The following DSCAM variants were observed in gnomAD, a reference collection of about 807,000 sequenced individuals.
DSCAM encodes cell adhesion molecule DSCAM.
Under a neutral mutation model 217.7 loss-of-function variants are expected in DSCAM, and 47 were observed. The ratio of observed to expected loss-of-function variants is 0.22; its 90% CI spans 0.17 to 0.28. The LOEUF is 0.28. DSCAM is among the 10% of genes least tolerant of loss of function. DSCAM has a pLI of 1.00. For synonymous variants in DSCAM, 1,056 were observed against 1,015.3 expected, an observed-to-expected ratio of 1.04 and a Z score of -0.76; for missense variants, 2,080 against 2,618.3, an observed-to-expected ratio of 0.79 and a Z score of 4.49.
intron 3 of DSCAM, among the ~76,000 whole-genome samples, chr21:40,661,513 G>A (rs2090139458): frequency 6.6e-6 from 1 of 152,156 alleles, no homozygotes; most frequent in South Asian, 2.1e-4. Context: ...GTGAGGATAA[G>A]AGAGACAACA....
chr21:40,042,375 C>G lies in DSCAM; in HGVS notation c.5682G>C (p.Arg1894=). The change falls in exon 32 of 33, where the codon CGG becomes CGC. Residue 1894 remains arginine (R), a synonymous_variant. Coordinates refer to ENST00000400454, the MANE Select transcript of DSCAM (RefSeq NM_001389.5). The part of the protein sequence containing the change: ...VMNMAVPKAH[R]PGDLIHLPPY... Reference sequence around the variant, plus strand: ...CAGGTGGCCTTGCTCACCTACCTGGCCGATGTGCCTTTGGAACTGCCATAT... The same window carrying G: ...CAGGTGGCCTTGCTCACCTACCTGGGCGATGTGCCTTTGGAACTGCCATAT... The G allele has an allele frequency of 6.2e-7, 1 of 1,613,032 alleles. No individual in the cohort carries two copies.
intron 11 of DSCAM, 79 bp downstream of exon 11, chr21:40,276,018 A>G: frequency 7.1e-7 from 1 of 1,416,700 alleles, no homozygotes; most frequent in Non-Finnish European, 9.4e-7. Flanking sequence ...ACAGGTATGT[A>G]TGGAGACAAT....
At chr21:40,489,749 T>C (rs1432946842) in intron 3 of DSCAM, among the ~76,000 whole-genome samples, 6 of 107,626 alleles carry the variant, frequency 5.6e-5, no homozygotes, top group African/African-American at 2.2e-4. Flanking sequence ...CACTCCAGCC[T>C]GGGCGACAGG....
At chr21:40,493,877 A>T (rs55955640) in intron 3 of DSCAM, among the ~76,000 whole-genome samples, 20,364 of 132,078 alleles carry the variant, frequency 0.15, 2,117 homozygotes, top group African/African-American at 0.3. Context: ...AAAAAAAAAA[A>T]AAATATATAC....
chr21:40,522,051 G>A (rs565573991), intron 3 of DSCAM, among the ~76,000 whole-genome samples: 1 of 152,086 alleles, frequency 6.6e-6, no homozygotes, highest in East Asian at 1.9e-4. Context: ...CTCCCTCCCC[G>A]AGAAAAAGAA....
chr21:40,732,370 G>A (rs1456748277), intron 1 of DSCAM, among the ~76,000 whole-genome samples: 1 of 152,192 alleles, frequency 6.6e-6, no homozygotes, highest in African/African-American at 2.4e-5. Context: ...TTTTCAAGGA[G>A]AATGGTGTAT....
chr21:40,461,917 G>A (rs2075809111), intron 3 of DSCAM, among the ~76,000 whole-genome samples: 1 of 152,196 alleles, frequency 6.6e-6, no homozygotes, highest in Non-Finnish European at 1.5e-5. Flanking sequence ...ACCTAGCTCT[G>A]CCAACACCTT....
At chr21:40,639,191 C>T (rs1313604956) in intron 3 of DSCAM, among the ~76,000 whole-genome samples, 1 of 152,008 alleles carries the variant, frequency 6.6e-6, no homozygotes, top group Non-Finnish European at 1.5e-5. Flanking sequence ...TCGCTGGGAT[C>T]CACAGGGGAG....
At chr21:40,232,256 G>A (rs1297574778) in intron 11 of DSCAM, among the ~76,000 whole-genome samples, 1 of 152,142 alleles carries the variant, frequency 6.6e-6, no homozygotes, top group Non-Finnish European at 1.5e-5. Context: ...CAAATATGAA[G>A]AAGCCAAAAA....
chr21:40,271,916 T>C (rs904384938), intron 11 of DSCAM, among the ~76,000 whole-genome samples: 1 of 152,178 alleles, frequency 6.6e-6, no homozygotes, highest in African/African-American at 2.4e-5. Context: ...AGCTGTGTGC[T>C]TCTCAATATC....
intron 3 of DSCAM, among the ~76,000 whole-genome samples, chr21:40,435,993 C>T (rs541548869): frequency 3.3e-5 from 5 of 152,188 alleles, no homozygotes; most frequent in African/African-American, 7.2e-5. Context: ...TTTTACAAGA[C>T]GGACTTGTTA....
At chr21:40,041,486 A>G (rs899760856) in intron 32 of DSCAM, among the ~76,000 whole-genome samples, 1 of 139,900 alleles carries the variant, frequency 7.1e-6, no homozygotes, top group African/African-American at 2.7e-5. Context: ...ACACAAGTCC[A>G]TACTAAGACC....
intron 3 of DSCAM, among the ~76,000 whole-genome samples, chr21:40,527,916 C>T (rs1888508): frequency 0.022 from 3,377 of 152,202 alleles, 125 homozygotes; most frequent in African/African-American, 0.076. Flanking sequence ...GAAACAGGAG[C>T]GGATGCTCTA....
At position 40,659,711 on chromosome 21, in the gene DSCAM, G is replaced by A. The variant is rs74878937; in HGVS notation, c.508+33099C>T. On this transcript the variant is annotated intron_variant, in intron 3 of 32. Transcript: ENST00000400454. The stretch of plus-strand genomic sequence containing the variant: ...TCTATTATCTATCTATGTATCTATC[G>A]ATCGATCCATCCATCCACCCCATTA... Among the ~76,000 whole-genome samples, 39 of 151,566 alleles carry A rather than the reference G, an allele frequency of 2.6e-4. No homozygotes were observed. The East Asian group carries it at 7.2e-3, about 28-fold the overall frequency.
chr21:40,523,836 T>C (rs61557310), intron 3 of DSCAM, among the ~76,000 whole-genome samples: 16,831 of 152,064 alleles, frequency 0.11, 1,171 homozygotes, highest in Non-Finnish European at 0.16. Context: ...CCTCAGGAGC[T>C]GTAAACATTC....
At chr21:40,533,938 C>A (rs1396694229) in intron 3 of DSCAM, among the ~76,000 whole-genome samples, 2 of 152,116 alleles carry the variant, frequency 1.3e-5, no homozygotes, top group Non-Finnish European at 2.9e-5. Flanking sequence ...TTAAATAAAT[C>A]TTCTGTTACT....
intron 8 of DSCAM, among the ~76,000 whole-genome samples, chr21:40,319,488 C>T (rs1470624414): frequency 6.6e-6 from 1 of 151,926 alleles, no homozygotes; most frequent in Non-Finnish European, 1.5e-5. Context: ...CATTCATCTA[C>T]CAATGGACAC....
intron 3 of DSCAM, among the ~76,000 whole-genome samples, chr21:40,609,155 A>G (rs2146275011): frequency 6.6e-6 from 1 of 152,118 alleles, no homozygotes; most frequent in East Asian, 1.9e-4. Context: ...GGATTTTGCC[A>G]TGTTGCCCAG....
At chr21:40,300,407 C>A (rs1012701637) in intron 9 of DSCAM, among the ~76,000 whole-genome samples, 2 of 152,228 alleles carry the variant, frequency 1.3e-5, no homozygotes, top group Non-Finnish European at 2.9e-5. Flanking sequence ...CACTGCCACA[C>A]CCCAGTCACA....
Sources: gnomAD v4.1 joint callset for allele counts (sites outside exome capture counted in the v4.1 genomes callset) on GRCh38, gnomAD v4.1.1 for gene constraint, MANE v1.5 for transcripts, NCBI Gene and HGNC (gene_info 2026-07-23, HGNC 2026-07-21) for gene names.